The following PTPRN2 variants were observed in gnomAD, a reference collection of about 807,000 sequenced individuals.
PTPRN2 encodes the protein receptor-type tyrosine-protein phosphatase N2.
In PTPRN2, 74 loss-of-function variants were observed where a neutral mutation model predicts 118.8. That is an observed-to-expected ratio of 0.62 (90% confidence interval 0.52 to 0.76). PTPRN2 has a LOEUF of 0.76. Ranked by LOEUF, PTPRN2 falls within the 30% of genes least tolerant of loss-of-function variation. The pLI, the probability that PTPRN2 is intolerant of heterozygous loss-of-function variation, is 0.00. For synonymous variants in PTPRN2, 641 were observed against 608.0 expected, an observed-to-expected ratio of 1.05 and a Z score of -0.80; for missense variants, 1,481 against 1,394.4, an observed-to-expected ratio of 1.06 and a Z score of -0.99.
intron 16 of PTPRN2, among the ~76,000 whole-genome samples, chr7:157,597,490 T>C (rs890722132): frequency 9.2e-5 from 14 of 151,874 alleles, no homozygotes; most frequent in Non-Finnish European, 1.9e-4. Context: ...GTGTGTTTTT[T>C]TTTTTGCCCA....
intron 1 of PTPRN2, among the ~76,000 whole-genome samples, chr7:158,506,876 G>A (rs918451714): frequency 6.6e-6 from 1 of 152,202 alleles, no homozygotes; most frequent in East Asian, 1.9e-4. Flanking sequence ...AGGATGGCAG[G>A]TGCATGGGCA....
At position 157,773,277 on chromosome 7, in the gene PTPRN2, C is replaced by T. The variant is rs76813772; in HGVS notation, c.1789-90340G>A. On this transcript the variant is annotated intron_variant, in intron 12 of 22. Transcript: ENST00000389418. ...CCTTTAGCTGAGGTTTAGCTCTACG[C>T]GGACATTAGAAGCACAAACCAAGCA... Among the ~76,000 whole-genome samples, 988 of 152,284 alleles carry T rather than the reference C, an allele frequency of 6.5e-3. 9 individuals are homozygous for T. Among genetic ancestry groups the T allele is most frequent in the African/African-American group, 0.023 (952 of 41,554 alleles).
At chr7:158,263,907 G>A (rs932356808) in intron 3 of PTPRN2, among the ~76,000 whole-genome samples, 1 of 152,212 alleles carries the variant, frequency 6.6e-6, no homozygotes, top group African/African-American at 2.4e-5. Flanking sequence ...CCCAGCGGAG[G>A]TGGCTGAACA....
chr7:158,364,923 A>AG (rs1359474634), intron 2 of PTPRN2, among the ~76,000 whole-genome samples: 1 of 152,166 alleles, frequency 6.6e-6, no homozygotes, highest in Non-Finnish European at 1.5e-5. Flanking sequence ...TAACAGCAAC[A>AG]GGTTCACTAC....
At chr7:157,684,367 G>A (rs1484377135) in intron 12 of PTPRN2, among the ~76,000 whole-genome samples, 1 of 149,020 alleles carries the variant, frequency 6.7e-6, no homozygotes, top group East Asian at 2.0e-4. Flanking sequence ...TTTGGAGAGG[G>A]AGGGAAGGAA....
chr7:158,348,797 C>T lies in PTPRN2; in HGVS notation c.164-31865G>A, dbSNP rs1241563675. Among the ~76,000 whole-genome samples, 3 of 152,192 alleles carry T rather than the reference C, an allele frequency of 2.0e-5. No homozygotes were observed. In the East Asian group the frequency reaches 5.8e-4, roughly 29 times the overall value. ...AATCCCCACTCACTCATTCCATCCC[C>T]ATCCTGGAGCCTCCTGGACAGATTC... On this transcript the variant is annotated intron_variant, in intron 2 of 22. Transcript: ENST00000389418.
intron 2 of PTPRN2, among the ~76,000 whole-genome samples, chr7:158,351,371 A>C (rs1807917295): frequency 6.6e-6 from 1 of 151,936 alleles, no homozygotes; most frequent in Non-Finnish European, 1.5e-5. Flanking sequence ...TGGGTTCCTA[A>C]TTGTTGGGCA....
chr7:157,930,999 C>G (rs1423889849), intron 11 of PTPRN2, among the ~76,000 whole-genome samples: 5 of 152,180 alleles, frequency 3.3e-5, no homozygotes, highest in Non-Finnish European at 7.3e-5. Flanking sequence ...ACCTCCAGTG[C>G]ACAGGCCTCC....
intron 17 of PTPRN2, among the ~76,000 whole-genome samples, chr7:157,588,505 G>A (rs567007522): frequency 2.6e-5 from 4 of 152,336 alleles, no homozygotes; most frequent in South Asian, 2.1e-4. Context: ...CAGCTGCCCT[G>A]TGCACCAGGA....
chr7:158,066,104 A>G (rs974267229), intron 11 of PTPRN2, among the ~76,000 whole-genome samples: 1 of 152,212 alleles, frequency 6.6e-6, no homozygotes, highest in African/African-American at 2.4e-5. Flanking sequence ...AAAATCACAT[A>G]ATATGCTGCT....
At chr7:158,130,883 ACG>A (rs1480293441) in intron 9 of PTPRN2, among the ~76,000 whole-genome samples, 1 of 146,912 alleles carries the variant, frequency 6.8e-6, no homozygotes, top group Non-Finnish European at 1.5e-5. Context: ...GCATGCATAT[ACG>A]CACAAACCGA....
intron 6 of PTPRN2, among the ~76,000 whole-genome samples, chr7:158,153,580 CCT>C (rs753140494): frequency 1.3e-5 from 2 of 152,180 alleles, no homozygotes; most frequent in Non-Finnish European, 2.9e-5. Flanking sequence ...CATCGCACGC[CCT>C]GTGAGGGGAA....
chr7:157,954,658 T>A (rs1050454201), intron 11 of PTPRN2, among the ~76,000 whole-genome samples: 2 of 152,022 alleles, frequency 1.3e-5, no homozygotes, highest in Admixed American at 1.3e-4. Flanking sequence ...GGGGTGATAT[T>A]AAGGCCTGCA....
intron 12 of PTPRN2, among the ~76,000 whole-genome samples, chr7:157,777,608 A>G (rs1439001077): frequency 6.6e-6 from 1 of 152,260 alleles, no homozygotes; most frequent in Non-Finnish European, 1.5e-5. Flanking sequence ...GTCCCGCTGC[A>G]TCAGGGACAT....
intron 2 of PTPRN2, among the ~76,000 whole-genome samples, chr7:158,366,066 C>A (rs368479584): frequency 6.8e-6 from 1 of 145,998 alleles, no homozygotes; most frequent in African/African-American, 2.6e-5. Context: ...GCCCAATGCA[C>A]GCGTGCACAC....
chr7:157,760,809 G>T (rs1802082468), intron 12 of PTPRN2, among the ~76,000 whole-genome samples: 1 of 152,194 alleles, frequency 6.6e-6, no homozygotes, highest in Non-Finnish European at 1.5e-5. Flanking sequence ...GAGATTTTGG[G>T]CTGAGACAAT....
chr7:158,457,167 T>C (rs993633994), intron 2 of PTPRN2, among the ~76,000 whole-genome samples: 3 of 152,232 alleles, frequency 2.0e-5, no homozygotes, highest in African/African-American at 7.2e-5. Context: ...ATGAATCTGA[T>C]GAGCCACCAA....
intron 11 of PTPRN2, among the ~76,000 whole-genome samples, chr7:158,064,093 G>A (rs1414577210): frequency 6.6e-6 from 1 of 152,176 alleles, no homozygotes; most frequent in African/African-American, 2.4e-5. Context: ...GGCCATGCAG[G>A]GGCCTGTGCC....
intron 11 of PTPRN2, among the ~76,000 whole-genome samples, chr7:158,008,009 TGTGA>T (rs766996956): frequency 8.1e-5 from 12 of 147,530 alleles, no homozygotes; most frequent in African/African-American, 2.0e-4. Flanking sequence ...CTTGTGCACG[TGTGA>T]GTGTGTGTGC....
Sources: gnomAD v4.1 joint callset for allele counts (sites outside exome capture counted in the v4.1 genomes callset) on GRCh38, gnomAD v4.1.1 for gene constraint, MANE v1.5 for transcripts, NCBI Gene and HGNC (gene_info 2026-07-23, HGNC 2026-07-21) for gene names.